Variants in LBH observed in about 807,000 individuals in gnomAD.
The protein encoded by LBH is protein LBH.
Under a neutral mutation model 12.5 loss-of-function variants are expected in LBH, and 7 were observed. That is an observed-to-expected ratio of 0.56 (90% confidence interval 0.32 to 1.05). The LOEUF (loss-of-function observed/expected upper bound fraction) is 1.05, where lower values mean the gene tolerates loss of function less well. Among genes scored for constraint, LBH ranks in the 50% least tolerant of loss-of-function variants. LBH has a pLI of 0.04. For missense variants in LBH, 119 were observed against 138.9 expected (o/e 0.86, Z 0.72); for synonymous variants, 51 against 50.1 (o/e 1.02, Z -0.08).
At chr2:30,243,821 G>A (rs989096538) in intron 2 of LBH, among the ~76,000 whole-genome samples, 2 of 151,656 alleles carry the variant, frequency 1.3e-5, no homozygotes, top group Non-Finnish European at 2.9e-5. Flanking sequence ...GAGCCACTGC[G>A]CCTGGCCTGG....
chr2:30,253,106 C>A lies in LBH; in HGVS notation c.130-4327C>A, dbSNP rs910453260. Among the ~76,000 whole-genome samples, 13 of 152,220 alleles carry A rather than the reference C, an allele frequency of 8.5e-5. 1 individual carries two copies. The East Asian group carries it at 1.5e-3, about 18-fold the overall frequency. On this transcript the variant is annotated intron_variant, in intron 2 of 2. Transcript: ENST00000395323. ...GCCTGGCCTGCCGCCTCAACCCCTACCTGTCATGTGCTTGGCAAGTCTGAC... is the reference window on the plus strand; with the variant it reads ...GCCTGGCCTGCCGCCTCAACCCCTAACTGTCATGTGCTTGGCAAGTCTGAC...
chr2:30,249,036 C>G (rs1677926143), intron 2 of LBH, among the ~76,000 whole-genome samples: 1 of 140,766 alleles, frequency 7.1e-6, no homozygotes, highest in Non-Finnish European at 1.5e-5. Flanking sequence ...GTTCTGTAAC[C>G]CCAGTCCAGG....
intron 2 of LBH, among the ~76,000 whole-genome samples, chr2:30,243,063 G>A (rs2103558951): frequency 6.6e-6 from 1 of 152,310 alleles, no homozygotes; most frequent in East Asian, 1.9e-4. Context: ...CATCTATAAA[G>A]ATGGGATAAT....
At chr2:30,250,344 A>C (rs1677957253) in intron 2 of LBH, among the ~76,000 whole-genome samples, 3 of 151,702 alleles carry the variant, frequency 2.0e-5, no homozygotes, top group African/African-American at 7.3e-5. Context: ...CAGGCTCCTG[A>C]GGTCTCAGCT....
chr2:30,239,625 T>C (rs1056011148), intron 2 of LBH, among the ~76,000 whole-genome samples: 6 of 152,094 alleles, frequency 3.9e-5, no homozygotes, highest in African/African-American at 1.4e-4. Context: ...GTTCCTGGGA[T>C]TGCAACAACT....
chr2:30,239,370 G>A (rs1302811455), intron 2 of LBH, among the ~76,000 whole-genome samples: 1 of 152,118 alleles, frequency 6.6e-6, no homozygotes, highest in African/African-American at 2.4e-5. Flanking sequence ...GCCATTCTGG[G>A]CATAACGCAT....
chr2:30,242,310 C>G (rs1287065484), intron 2 of LBH, among the ~76,000 whole-genome samples: 1 of 151,796 alleles, frequency 6.6e-6, no homozygotes, highest in Admixed American at 6.6e-5. Flanking sequence ...GTGGTGCAAT[C>G]TCGGCTCACT....
chr2:30,231,915 T>C, intron 1 of LBH, 151 bp downstream of exon 1: 1 of 227,534 alleles, frequency 4.4e-6, no homozygotes, highest in Non-Finnish European at 7.0e-6. Context: ...GGAGTCAACG[T>C]CAAGGTTGCA....
At chr2:30,240,597 AG>A (rs765004624) in intron 2 of LBH, among the ~76,000 whole-genome samples, 5 of 152,338 alleles carry the variant, frequency 3.3e-5, no homozygotes, top group Non-Finnish European at 5.9e-5. Context: ...TATCGTTATC[AG>A]CACATCAAAT....
rs373658602 is a variant in LBH, at chr2:30,234,472, G to T, written c.94G>T (p.Gly32Cys). 6.8e-6 allele frequency: 11 copies of T among 1,614,094 alleles called. No homozygotes were observed. In the East Asian group the frequency reaches 2.0e-4, roughly 29 times the overall value. The change falls in exon 2 of 3, where the codon GGC becomes TGC. Residue 32 changes from glycine to cysteine, a missense_variant. Transcript: ENST00000395323. ...GAACACCCAGCCCATGGAGGAGATC[G>T]GCCTCAGCCCCCGCAAGGATGGCCT... The part of the protein sequence containing the change: ...MMNTQPMEEI[G>C]LSPRKDGLSY...
At chr2:30,236,677 G>A (rs922059684) in intron 2 of LBH, among the ~76,000 whole-genome samples, 2 of 152,150 alleles carry the variant, frequency 1.3e-5, no homozygotes, top group Non-Finnish European at 2.9e-5. Flanking sequence ...CTGTGCCCAG[G>A]GTCCAGGGCC....
intron 1 of LBH, among the ~76,000 whole-genome samples, 187 bp downstream of exon 1, chr2:30,231,951 C>A (rs957870486): frequency 1.3e-5 from 2 of 150,044 alleles, no homozygotes; most frequent in Non-Finnish European, 3.0e-5. Flanking sequence ...GGAGGGGGTG[C>A]TGAGAACATC....
intron 2 of LBH, among the ~76,000 whole-genome samples, chr2:30,242,002 TTATATCA>T (rs1377297768): frequency 2.0e-5 from 3 of 152,190 alleles, no homozygotes; most frequent in Non-Finnish European, 4.4e-5. Context: ...CTGTGTAATA[TTATATCA>T]TAAAGTTAAA....
At chr2:30,243,525 CTT>C (rs886828942) in intron 2 of LBH, among the ~76,000 whole-genome samples, 61 of 110,166 alleles carry the variant, frequency 5.5e-4, no homozygotes, top group Non-Finnish European at 9.4e-4. Context: ...GGGCTGGACT[CTT>C]TTTTTTTTTT....
At position 30,257,691 on chromosome 2, in the gene LBH, C is replaced by T. The variant is rs371581843; in HGVS notation, c.*70C>T. Reference sequence around the variant, plus strand: ...CTGAACTGTGTTTTTCCCATCATGACGGAAGAAGAGAGTGAGCCGCAATTG... The same window carrying T: ...CTGAACTGTGTTTTTCCCATCATGATGGAAGAAGAGAGTGAGCCGCAATTG... On this transcript the variant is annotated 3_prime_UTR_variant, in exon 3 of 3. Transcript: ENST00000395323. The T allele has an allele frequency of 2.6e-4, 313 of 1,224,802 alleles. 4 individuals carry two copies. In the South Asian group the frequency reaches 4.1e-3, roughly 16 times the overall value. 75.9% of individuals were successfully genotyped at this position (1,224,802 alleles called of 1,614,324 possible). A position where few individuals can be genotyped will look rare whatever the true frequency, so the allele number is the denominator to read the frequency against.
At chr2:30,241,616 T>G (rs913014518) in intron 2 of LBH, among the ~76,000 whole-genome samples, 3 of 151,952 alleles carry the variant, frequency 2.0e-5, no homozygotes, top group Non-Finnish European at 4.4e-5. Flanking sequence ...CGTGCCACCA[T>G]GCCGGGCTAA....
rs550002297 is a variant in LBH, at chr2:30,240,347, G to A, written c.129+5840G>A. On this transcript the variant is annotated intron_variant, in intron 2 of 2. Transcript: ENST00000395323. ...AGGGAAAGGGATGAGTTTGGGTGGC[G>A]AATGTTGTGACTGTAGCCAAGAGCT... Among the ~76,000 whole-genome samples the A allele has an allele frequency of 6.6e-5, 10 of 152,306 alleles. No individual in the cohort carries two copies. The East Asian group carries it at 7.7e-4, about 12-fold the overall frequency.
intron 2 of LBH, among the ~76,000 whole-genome samples, chr2:30,244,506 C>G (rs1472874396): frequency 6.6e-6 from 1 of 152,184 alleles, no homozygotes; most frequent in Non-Finnish European, 1.5e-5. Flanking sequence ...TTCCTGAAGA[C>G]TAGCTTCACC....
intron 2 of LBH, among the ~76,000 whole-genome samples, chr2:30,240,761 C>T (rs1465795271): frequency 6.6e-6 from 1 of 152,166 alleles, no homozygotes; most frequent in Non-Finnish European, 1.5e-5. Flanking sequence ...GCCCCCTCTC[C>T]GGTGGACTTA....
Sources: allele counts gnomAD v4.1 joint callset (sites outside exome capture counted in the v4.1 genomes callset), GRCh38; gene constraint gnomAD v4.1.1; transcripts MANE v1.5; gene names NCBI Gene and HGNC (gene_info 2026-07-23, HGNC 2026-07-21).